Variants in CRISPLD2 observed in about 807,000 individuals in gnomAD.
CRISPLD2 encodes the protein cysteine rich secretory protein LCCL domain containing 2.
CRISPLD2 carries 47 observed loss-of-function variants against 71.1 expected under a neutral mutation model. The ratio of observed to expected loss-of-function variants is 0.66; its 90% CI spans 0.52 to 0.84. The LOEUF is 0.84. Among genes scored for constraint, CRISPLD2 ranks in the 40% least tolerant of loss-of-function variants. The pLI is 0.00. For synonymous variants in CRISPLD2, 317 were observed against 250.1 expected (o/e 1.27, Z -2.52); for missense variants, 830 against 651.1 (o/e 1.27, Z -2.99).
chr16:84,848,973 G>A (rs1356060470), intron 3 of CRISPLD2, among the ~76,000 whole-genome samples: 2 of 123,956 alleles, frequency 1.6e-5, no homozygotes, highest in African/African-American at 5.9e-5. Context: ...GCGACAGAGC[G>A]AGACTCCGTC....
chr16:84,877,082 C>T (rs1213728101), intron 11 of CRISPLD2, among the ~76,000 whole-genome samples: 1 of 152,196 alleles, frequency 6.6e-6, no homozygotes, highest in Non-Finnish European at 1.5e-5. Flanking sequence ...GCTTCCATTT[C>T]CTCATCTGCC....
chr16:84,873,405 G>A (rs189838947), intron 10 of CRISPLD2: 273 of 208,848 alleles, frequency 1.3e-3, no homozygotes, highest in South Asian at 1.9e-3. Context: ...GCTTGAGGCC[G>A]AGGCAGAGGT....
At chr16:84,852,422 C>A (rs995263063) in intron 5 of CRISPLD2, among the ~76,000 whole-genome samples, 1 of 152,220 alleles carries the variant, frequency 6.6e-6, no homozygotes, top group African/African-American at 2.4e-5. Flanking sequence ...TGTGGGACCT[C>A]ATATGAAGGG....
In CRISPLD2 at chr16:84,889,357, C is replaced by T. The variant is rs868276120; in HGVS notation, c.1433C>T (p.Ser478Phe). ...YVGSLRNGVQ[S>F]ESLGTPRDGK... Reference sequence around the variant, plus strand: ...GGCTCGCTCAGGAATGGAGTTCAGTCTGAAAGGTAGGGTGGTGTTCTCCAA... The same window carrying T: ...GGCTCGCTCAGGAATGGAGTTCAGTTTGAAAGGTAGGGTGGTGTTCTCCAA... The change falls in exon 14 of 15, where the codon TCT becomes TTT. Residue 478 changes from serine (S) to phenylalanine (F), a missense_variant. By Grantham distance (155) the Ser-to-Phe change is radical. Coordinates refer to ENST00000262424, the MANE Select transcript of CRISPLD2 (RefSeq NM_031476.4). 2 of 1,611,670 alleles carry T rather than the reference C, an allele frequency of 1.2e-6. No homozygotes were observed. The highest frequency in any genetic ancestry group is 1.7e-6 in the Non-Finnish European group (2 of 1,178,500).
chr16:84,892,125 C>T lies in CRISPLD2; in HGVS notation c.1439+2762C>T, dbSNP rs552323533. Among the ~76,000 whole-genome samples, 25 of 152,212 alleles carry T rather than the reference C, an allele frequency of 1.6e-4. No homozygotes were observed. The East Asian group carries it at 4.5e-3, about 27-fold the overall frequency. On this transcript the variant is annotated intron_variant, in intron 14 of 14. Coordinates refer to ENST00000262424, the MANE Select transcript of CRISPLD2 (RefSeq NM_031476.4). ...CCTATAAAGGGGGGAATAATATTAC[C>T]TGCCCCCTGGGGTGGTGGCAGGGCA... is the stretch of plus-strand genomic sequence containing the variant.
intron 2 of CRISPLD2, 65 bp from the exon 3 acceptor site, chr16:84,845,721 A>G: frequency 9.1e-7 from 1 of 1,099,468 alleles, no homozygotes; most frequent in Non-Finnish European, 1.4e-6. Context: ...GCGTTGCTGT[A>G]TTTATGGTTC....
chr16:84,900,010 G>A (rs1275925440), intron 14 of CRISPLD2, among the ~76,000 whole-genome samples: 3 of 152,084 alleles, frequency 2.0e-5, no homozygotes, highest in Non-Finnish European at 4.4e-5. Context: ...ATCCCCCAAG[G>A]CCTGAGGAGG....
chr16:84,849,160 C>T, intron 3 of CRISPLD2: 1 of 531,730 alleles, frequency 1.9e-6, no homozygotes, highest in South Asian at 2.2e-5. Flanking sequence ...GTTATTCCCC[C>T]ACCTCGGCCT....
chr16:84,854,666 G>C (rs780170945), intron 5 of CRISPLD2, 63 bp from the exon 6 acceptor site: 12 of 1,214,388 alleles, frequency 9.9e-6, no homozygotes, highest in African/African-American at 1.5e-5. Flanking sequence ...CCTTGGAAGA[G>C]GATCAGTCCC....
At chr16:84,873,893 G>A (rs200914530) in intron 10 of CRISPLD2, 27 bp from the exon 11 acceptor site, 23 of 1,420,338 alleles carry the variant, frequency 1.6e-5, no homozygotes, top group East Asian at 2.4e-5. Context: ...CCTAATGCCC[G>A]TTTTTTTTTT....
intron 6 of CRISPLD2, among the ~76,000 whole-genome samples, chr16:84,866,482 C>T (rs1472823469): frequency 6.6e-6 from 1 of 152,178 alleles, no homozygotes; most frequent in African/African-American, 2.4e-5. Flanking sequence ...GTGATCCGCC[C>T]ACCTCAGCCT....
intron 11 of CRISPLD2, among the ~76,000 whole-genome samples, chr16:84,874,527 C>A (rs376753918): frequency 5.3e-5 from 8 of 152,292 alleles, no homozygotes; most frequent in African/African-American, 1.9e-4. Context: ...CATAGCTGCC[C>A]ACACTGTGCC....
intron 13 of CRISPLD2, among the ~76,000 whole-genome samples, chr16:84,884,484 C>T (rs139125098): frequency 1.3e-5 from 2 of 152,340 alleles, no homozygotes; most frequent in Non-Finnish European, 2.9e-5. Context: ...GTCACACAGC[C>T]AGCCGGCGCT....
intron 5 of CRISPLD2, among the ~76,000 whole-genome samples, chr16:84,851,426 G>A (rs906145228): frequency 1.3e-5 from 2 of 151,134 alleles, no homozygotes; most frequent in Non-Finnish European, 3.0e-5. Context: ...GGCCACCGCC[G>A]TTCTTGCCCC....
At chr16:84,897,783 A>G (rs1486158663) in intron 14 of CRISPLD2, among the ~76,000 whole-genome samples, 1 of 152,090 alleles carries the variant, frequency 6.6e-6, no homozygotes, top group Non-Finnish European at 1.5e-5. Context: ...GGCCCGGCTA[A>G]TTTTTGTATT....
intron 7 of CRISPLD2, 87 bp from the exon 8 acceptor site, chr16:84,868,764 G>A: frequency 9.3e-7 from 1 of 1,079,092 alleles, no homozygotes; most frequent in Non-Finnish European, 1.4e-6. Flanking sequence ...ATTGCAGAAT[G>A]TTCCAGAATG....
chr16:84,849,212 G>A, intron 3 of CRISPLD2, 173 bp from the exon 4 acceptor site: 1 of 629,352 alleles, frequency 1.6e-6, no homozygotes, highest in Non-Finnish European at 2.7e-6. Context: ...GGAATTGGGG[G>A]CTATTCCGCC....
intron 4 of CRISPLD2, among the ~76,000 whole-genome samples, chr16:84,850,026 G>A (rs376200352): frequency 1.3e-5 from 2 of 151,652 alleles, no homozygotes; most frequent in African/African-American, 2.4e-5. Context: ...GCACTCAACC[G>A]AGAAAACTTC....
At chr16:84,863,794 C>T (rs937923456) in intron 6 of CRISPLD2, among the ~76,000 whole-genome samples, 7 of 151,760 alleles carry the variant, frequency 4.6e-5, no homozygotes, top group Non-Finnish European at 7.4e-5. Flanking sequence ...CATGGAGAAA[C>T]CCAGTCACTA....
Sources: allele counts gnomAD v4.1 joint callset (sites outside exome capture counted in the v4.1 genomes callset), GRCh38; gene constraint gnomAD v4.1.1; transcripts MANE v1.5; gene names NCBI Gene and HGNC (gene_info 2026-07-23, HGNC 2026-07-21).